The following DLG2 variants were observed in gnomAD, a reference collection of about 807,000 sequenced individuals.
DLG2 encodes the protein discs large MAGUK scaffold protein 2, also known as disks large homolog 2.
A neutral mutation model predicts 132.5 loss-of-function variants in DLG2; 45 were observed. The observed-to-expected ratio is 0.34, with a 90% CI of 0.27 to 0.44. DLG2 has a LOEUF of 0.44. DLG2 is among the 20% of genes least tolerant of loss of function. DLG2 has a pLI of 1.00. For missense variants in DLG2, 1,045 were observed against 1,196.9 expected (o/e 0.87, Z 1.87); for synonymous variants, 424 against 419.6 (o/e 1.01, Z -0.13).
chr11:85,222,798 ATTT>A (rs891725797), intron 4 of DLG2, among the ~76,000 whole-genome samples: 8 of 151,774 alleles, frequency 5.3e-5, no homozygotes, highest in Non-Finnish European at 8.8e-5. Context: ...GCCTTCTGAG[ATTT>A]TTTTTTCCCG....
intron 7 of DLG2, among the ~76,000 whole-genome samples, chr11:84,520,436 T>C (rs1160332931): frequency 6.6e-6 from 1 of 152,208 alleles, no homozygotes; most frequent in African/African-American, 2.4e-5. Context: ...CAGATCCTAA[T>C]GATACATTCT....
At chr11:85,093,608 G>A (rs1481509511) in intron 6 of DLG2, among the ~76,000 whole-genome samples, 1 of 152,228 alleles carries the variant, frequency 6.6e-6, no homozygotes, top group African/African-American at 2.4e-5. Context: ...GAAGAGCAAA[G>A]GCGTGTCTTA....
At chr11:84,918,991 T>C (rs553339197) in intron 6 of DLG2, among the ~76,000 whole-genome samples, 1 of 152,288 alleles carries the variant, frequency 6.6e-6, no homozygotes, top group East Asian at 1.9e-4. Flanking sequence ...CCAGGTTCCA[T>C]GGAGCTAACA....
intron 15 of DLG2, among the ~76,000 whole-genome samples, chr11:83,907,339 A>G (rs1266324051): frequency 1.3e-5 from 2 of 152,202 alleles, no homozygotes; most frequent in African/African-American, 4.8e-5. Context: ...ACAAATTACT[A>G]TTTAGTATGA....
chr11:85,016,624 C>A (rs1194270574), intron 6 of DLG2, among the ~76,000 whole-genome samples: 1 of 152,166 alleles, frequency 6.6e-6, no homozygotes, highest in Non-Finnish European at 1.5e-5. Context: ...CTCACACACA[C>A]ACTAAGAGCA....
intron 6 of DLG2, among the ~76,000 whole-genome samples, chr11:85,054,492 C>A (rs2063251559): frequency 6.6e-6 from 1 of 152,132 alleles, no homozygotes; most frequent in East Asian, 1.9e-4. Flanking sequence ...AACACAACTA[C>A]CATTTAACCC....
chr11:85,446,168 A>T (rs932691681), intron 3 of DLG2, among the ~76,000 whole-genome samples: 3 of 152,234 alleles, frequency 2.0e-5, no homozygotes, highest in Non-Finnish European at 4.4e-5. Flanking sequence ...AGTGAGACAC[A>T]TTAAGGACAA....
chr11:85,106,461 C>T (rs1434594241), intron 6 of DLG2, among the ~76,000 whole-genome samples: 1 of 151,840 alleles, frequency 6.6e-6, no homozygotes, highest in Non-Finnish European at 1.5e-5. Context: ...GAACCTTTTT[C>T]CAGAAAAGGT....
intron 4 of DLG2, among the ~76,000 whole-genome samples, chr11:85,231,876 C>G (rs1001831495): frequency 1.3e-5 from 2 of 151,890 alleles, no homozygotes; most frequent in Non-Finnish European, 2.9e-5. Flanking sequence ...TGTGCAAACT[C>G]CAGAATCTCT....
At chr11:84,276,678 T>C (rs1275646017) in intron 7 of DLG2, among the ~76,000 whole-genome samples, 1 of 152,232 alleles carries the variant, frequency 6.6e-6, no homozygotes, top group African/African-American at 2.4e-5. Flanking sequence ...CTAGGCTACA[T>C]GTCTATCACA....
At chr11:84,650,901 A>ATATATATATATATATATAT (rs1594886301) in intron 6 of DLG2, among the ~76,000 whole-genome samples, 2 of 142,996 alleles carry the variant, frequency 1.4e-5, no homozygotes, top group African/African-American at 2.7e-5. Flanking sequence ...ATATATATAT[A>ATATATATATATATATATAT]AAATTTTTGT....
intron 19 of DLG2, among the ~76,000 whole-genome samples, chr11:83,610,540 A>G (rs500578): frequency 0.43 from 64,721 of 150,756 alleles, 14,084 homozygotes; most frequent in East Asian, 0.56. Context: ...GCAACCAACT[A>G]TCGAACAGAC....
At chr11:84,947,315 A>C (rs2050344201) in intron 6 of DLG2, among the ~76,000 whole-genome samples, 1 of 152,192 alleles carries the variant, frequency 6.6e-6, no homozygotes, top group African/African-American at 2.4e-5. Flanking sequence ...ATCTTGCACC[A>C]CTGCCTCTTC....
chr11:84,807,131 G>C (rs1392435818), intron 6 of DLG2, among the ~76,000 whole-genome samples: 2 of 152,086 alleles, frequency 1.3e-5, no homozygotes, highest in East Asian at 3.9e-4. Flanking sequence ...AAAAAACAGA[G>C]AGAACAAATA....
At chr11:85,048,736 A>C (rs2062599805) in intron 6 of DLG2, among the ~76,000 whole-genome samples, 1 of 152,054 alleles carries the variant, frequency 6.6e-6, no homozygotes, top group African/African-American at 2.4e-5. Flanking sequence ...TGAAGTCATT[A>C]AAATAATAAA....
chr11:83,731,204 T>C (rs374233555), intron 18 of DLG2, among the ~76,000 whole-genome samples: 1 of 152,208 alleles, frequency 6.6e-6, no homozygotes, highest in African/African-American at 2.4e-5. Context: ...TGTGCCATGG[T>C]GTTTTGCTGT....
intron 4 of DLG2, among the ~76,000 whole-genome samples, chr11:85,274,576 A>T (rs1212535442): frequency 1.3e-5 from 2 of 152,100 alleles, no homozygotes; most frequent in African/African-American, 4.8e-5. Context: ...GGTCTCAGAA[A>T]ATGATATCTC....
chr11:84,302,289 A>G (rs548875263), intron 7 of DLG2, among the ~76,000 whole-genome samples: 1 of 152,338 alleles, frequency 6.6e-6, no homozygotes, highest in Admixed American at 6.5e-5. Context: ...TGGCACGCGT[A>G]TACCTATGTA....
intron 4 of DLG2, among the ~76,000 whole-genome samples, chr11:85,220,509 G>A (rs1321619810): frequency 6.6e-6 from 1 of 151,936 alleles, no homozygotes; most frequent in Non-Finnish European, 1.5e-5. Flanking sequence ...ATAGTACAGA[G>A]ATCAGGATGT....
Sources: allele counts gnomAD v4.1 joint callset (sites outside exome capture counted in the v4.1 genomes callset), GRCh38; gene constraint gnomAD v4.1.1; transcripts MANE v1.5; gene names NCBI Gene and HGNC (gene_info 2026-07-23, HGNC 2026-07-21).